The following IQCM variants were observed in gnomAD, a reference collection of about 807,000 sequenced individuals.
IQCM encodes the protein IQ domain-containing protein M.
In IQCM, 45 loss-of-function variants were observed where a neutral mutation model predicts 57.6. That is an observed-to-expected ratio of 0.78 (90% CI 0.62 to 1.00). The LOEUF is 1.00. IQCM is among the 50% of genes least tolerant of loss of function. The pLI is 0.00. For missense variants in IQCM, 468 were observed against 511.6 expected (o/e 0.91, Z 0.82); for synonymous variants, 148 against 158.9 (o/e 0.93, Z 0.51).
rs184325034 is a variant in IQCM at position 149,359,417 on chromosome 4, A to G, written c.1391-7351T>C. Reference sequence around the variant, plus strand: ...TATTTTTTGCTTATCTACATTTTCAATGGAAAATATTATTTATGTAAAAAT... The same window carrying G: ...TATTTTTTGCTTATCTACATTTTCAGTGGAAAATATTATTTATGTAAAAAT... On this transcript the variant is annotated intron_variant, in intron 13 of 13. Transcript: ENST00000636793. Among the ~76,000 whole-genome samples, 39 of 152,280 alleles carry G rather than the reference A, an allele frequency of 2.6e-4. No homozygotes were observed. The East Asian group carries it at 6.8e-3, about 26-fold the overall frequency.
At chr4:149,773,118 G>A (rs780229796) in intron 2 of IQCM, among the ~76,000 whole-genome samples, 1 of 152,148 alleles carries the variant, frequency 6.6e-6, no homozygotes, top group Non-Finnish European at 1.5e-5. Flanking sequence ...TTGGGAGGCC[G>A]AGGCGGGTGG....
At chr4:149,799,552 G>T (rs529860333) in intron 2 of IQCM, among the ~76,000 whole-genome samples, 122 of 151,764 alleles carry the variant, frequency 8.0e-4, no homozygotes, top group African/African-American at 2.6e-3. Flanking sequence ...CAAAAAGTTG[G>T]TTTTTTAAAA....
intron 7 of IQCM, among the ~76,000 whole-genome samples, chr4:149,647,264 T>C (rs561300794): frequency 6.6e-6 from 1 of 152,286 alleles, no homozygotes; most frequent in Non-Finnish European, 1.5e-5. Flanking sequence ...ATTGATTATA[T>C]TTACTATTTT....
At chr4:149,457,986 T>TGTTGAACTTTGTTCAACAAA (rs1001766787) in intron 12 of IQCM, among the ~76,000 whole-genome samples, 1 of 151,950 alleles carries the variant, frequency 6.6e-6, no homozygotes, top group Non-Finnish European at 1.5e-5. Flanking sequence ...GGTGATGCTT[T>TGTTGAACTTTGTTCAACAAA]GTTGAACTTT....
At chr4:149,477,699 T>C (rs1269354153) in intron 12 of IQCM, among the ~76,000 whole-genome samples, 1 of 152,118 alleles carries the variant, frequency 6.6e-6, no homozygotes, top group Admixed American at 6.6e-5. Flanking sequence ...GATAGGTCAC[T>C]GTAAATGAAG....
At chr4:149,388,947 C>T (rs545203307) in intron 13 of IQCM, among the ~76,000 whole-genome samples, 1 of 151,284 alleles carries the variant, frequency 6.6e-6, no homozygotes, top group East Asian at 2.0e-4. Flanking sequence ...TTTTAACTTT[C>T]TTGATGGGTG....
Position 149,587,976 on chromosome 4 carries a change from TA to T in IQCM, c.702del (p.Lys236ArgfsTer16), listed in dbSNP as rs1472710472. ...DYYSKTFKTL[I>X]KKERQPIKPE... ...GGCTTGATAGGTTGTCGCTCCTTTT[TA>T]ATAAGGGTTTTAAAGGTTTTCTATA... is the stretch of plus-strand genomic sequence containing the variant. On this transcript the variant is annotated frameshift_variant, in exon 9 of 14. Coordinates refer to ENST00000636793, the MANE Select transcript of IQCM (RefSeq NM_001363507.2). LOFTEE classifies it high-confidence loss of function. 6.5e-6 allele frequency: 8 copies of T among 1,225,168 alleles called. No homozygotes were observed. The African/African-American group carries it at 1.2e-4, about 19-fold the overall frequency. 75.9% of individuals were successfully genotyped at this position (1,225,168 alleles called of 1,614,324 possible).
chr4:149,534,456 G>A (rs1426227092), intron 12 of IQCM, among the ~76,000 whole-genome samples: 2 of 152,104 alleles, frequency 1.3e-5, no homozygotes, highest in Non-Finnish European at 2.9e-5. Flanking sequence ...TACTTCAAAA[G>A]ATGACAAGTG....
intron 7 of IQCM, among the ~76,000 whole-genome samples, chr4:149,660,841 G>C (rs1198627372): frequency 1.3e-5 from 2 of 151,890 alleles, no homozygotes; most frequent in Middle Eastern, 3.2e-3. Flanking sequence ...GTGGGGTGGG[G>C]GGAGTGGGGA....
At chr4:149,519,915 G>T (rs560854909) in intron 12 of IQCM, among the ~76,000 whole-genome samples, 3 of 151,608 alleles carry the variant, frequency 2.0e-5, no homozygotes, top group African/African-American at 7.3e-5. Context: ...TGAGGCAGGA[G>T]AATGGCATGA....
intron 2 of IQCM, among the ~76,000 whole-genome samples, chr4:149,781,793 A>G (rs534998773): frequency 2.6e-5 from 4 of 152,300 alleles, no homozygotes; most frequent in African/African-American, 9.6e-5. Flanking sequence ...TCTATGCTTG[A>G]TACATTGGAA....
chr4:149,474,717 AAAAT>A (rs1308485559), intron 12 of IQCM, among the ~76,000 whole-genome samples: 2 of 151,748 alleles, frequency 1.3e-5, no homozygotes, highest in South Asian at 2.1e-4. Context: ...AACTGTCTCA[AAAAT>A]AAATAAATAA....
chr4:149,418,403 CCCTGAATAGACCAACAATGAGT>C (rs559289715), intron 13 of IQCM, among the ~76,000 whole-genome samples: 23 of 152,020 alleles, frequency 1.5e-4, no homozygotes, highest in Non-Finnish European at 2.4e-4. Flanking sequence ...GAAGTTGAAT[CCCTGAATAGACCAACAATGAGT>C]TCTGAAATTA....
intron 13 of IQCM, among the ~76,000 whole-genome samples, chr4:149,394,092 T>TA (rs1732054532): frequency 6.6e-6 from 1 of 152,038 alleles, no homozygotes; most frequent in Admixed American, 6.6e-5. Flanking sequence ...ATGCCATACT[T>TA]ACTTCAATTT....
At chr4:149,685,631 T>C (rs1014876108) in intron 6 of IQCM, among the ~76,000 whole-genome samples, 1 of 151,538 alleles carries the variant, frequency 6.6e-6, no homozygotes, top group African/African-American at 2.4e-5. Context: ...AACTAACTTG[T>C]AGCTGTGCCA....
intron 12 of IQCM, among the ~76,000 whole-genome samples, chr4:149,544,179 C>T (rs1748151594): frequency 6.6e-6 from 1 of 152,068 alleles, no homozygotes; most frequent in Admixed American, 6.6e-5. Flanking sequence ...GTGACATTAT[C>T]TCTAAACACA....
At chr4:149,352,195 A>T (rs772196829) in intron 13 of IQCM, 129 bp from the exon 14 acceptor site, 2 of 393,062 alleles carry the variant, frequency 5.1e-6, no homozygotes, top group Non-Finnish European at 9.0e-6. Flanking sequence ...AAAAGACTGG[A>T]CTTGGGCTCA....
chr4:149,362,203 T>G (rs1283621630), intron 13 of IQCM, among the ~76,000 whole-genome samples: 2 of 152,156 alleles, frequency 1.3e-5, no homozygotes, highest in Non-Finnish European at 2.9e-5. Context: ...GCTTTTGATT[T>G]TACAGGGTCC....
chr4:149,735,050 C>T (rs114362806), intron 4 of IQCM, among the ~76,000 whole-genome samples: 1 of 151,900 alleles, frequency 6.6e-6, no homozygotes, highest in African/African-American at 2.4e-5. Flanking sequence ...AGTTTAGCTT[C>T]GACTAAACAG....
Sources: allele counts gnomAD v4.1 joint callset (sites outside exome capture counted in the v4.1 genomes callset), GRCh38; gene constraint gnomAD v4.1.1; transcripts MANE v1.5; gene names NCBI Gene and HGNC (gene_info 2026-07-23, HGNC 2026-07-21).